MERTK: variants seen among roughly 807,000 people sequenced by gnomAD.
The protein encoded by MERTK is MER proto-oncogene, tyrosine kinase.
MERTK carries 69 observed loss-of-function variants against 99.3 expected under a neutral mutation model. That is an observed-to-expected ratio of 0.70 (90% CI 0.57 to 0.85). MERTK has a LOEUF of 0.85. Among genes scored for constraint, MERTK ranks in the 40% least tolerant of loss-of-function variants. The pLI is 0.00. For synonymous variants in MERTK, 426 were observed against 467.6 expected (o/e 0.91, Z 1.15); for missense variants, 1,125 against 1,249.4 (o/e 0.90, Z 1.50).
At chr2:111,937,478 C>T (rs1268181568) in intron 2 of MERTK, among the ~76,000 whole-genome samples, 5 of 151,974 alleles carry the variant, frequency 3.3e-5, no homozygotes, top group African/African-American at 4.8e-5. Context: ...GGGTAGTTTG[C>T]GTCTCCTGAC....
rs1684624373 is a variant in MERTK at position 111,929,283 on chromosome 2, A to G, written c.225A>G (p.Thr75=). 7 of 1,614,074 alleles carry G rather than the reference A, an allele frequency of 4.3e-6. No individual in the cohort carries two copies. Among genetic ancestry groups the G allele is most frequent in the African/African-American group, 2.7e-5 (2 of 74,934 alleles). The change falls in exon 2 of 19, where the codon ACA becomes ACG. Residue 75 remains threonine, a synonymous_variant. Coordinates refer to ENST00000295408, the MANE Select transcript of MERTK (RefSeq NM_006343.3). ...FSPTQPGRPH[T]GNVAIPQVTS... ...CAACCCAGCCTGGAAGACCACATAC[A>G]GGAAACGTAGCCATTCCCCAGGTGA...
intron 1 of MERTK, among the ~76,000 whole-genome samples, chr2:111,907,675 AC>A (rs1684162149): frequency 2.0e-5 from 3 of 152,192 alleles, no homozygotes; most frequent in African/African-American, 7.2e-5. Flanking sequence ...CTGAGGGGGA[AC>A]AGCAGAATCT....
intron 9 of MERTK, 159 bp from the exon 10 acceptor site, chr2:111,997,164 G>A (rs373367880): frequency 1.5e-5 from 13 of 854,274 alleles, no homozygotes; most frequent in Middle Eastern, 2.9e-4. Context: ...AGATCTCTTC[G>A]CATGGTCTCA....
At chr2:111,991,044 C>G (rs933652521) in intron 8 of MERTK, among the ~76,000 whole-genome samples, 21 of 152,170 alleles carry the variant, frequency 1.4e-4, no homozygotes, top group African/African-American at 4.6e-4. Context: ...GAGGAGCTGT[C>G]TACCGTGAAG....
chr2:111,949,856 T>C (rs1685024777), intron 4 of MERTK, among the ~76,000 whole-genome samples: 1 of 152,246 alleles, frequency 6.6e-6, no homozygotes, highest in Non-Finnish European at 1.5e-5. Context: ...TTTTGTGTCA[T>C]ACATACTTTC....
chr2:111,911,689 CTTTTTT>C (rs34867670), intron 1 of MERTK, among the ~76,000 whole-genome samples: 2 of 57,698 alleles, frequency 3.5e-5, no homozygotes, highest in African/African-American at 1.6e-4. Context: ...AGCGCCCAGC[CTTTTTT>C]TTTTTTTTTT....
At chr2:111,969,362 G>C (rs1401181553) in intron 6 of MERTK, among the ~76,000 whole-genome samples, 5 of 152,120 alleles carry the variant, frequency 3.3e-5, no homozygotes, top group Admixed American at 6.5e-5. Flanking sequence ...TCGCATCTGG[G>C]AGCAGGTTAC....
chr2:112,024,397 A>G (rs940915348), intron 18 of MERTK, among the ~76,000 whole-genome samples: 18 of 152,222 alleles, frequency 1.2e-4, no homozygotes, highest in Non-Finnish European at 1.9e-4. Context: ...TAGGGGACAA[A>G]GCAGCAGAGT....
chr2:111,957,585 G>A (rs937251669), intron 4 of MERTK, among the ~76,000 whole-genome samples: 1 of 152,072 alleles, frequency 6.6e-6, no homozygotes, highest in African/African-American at 2.4e-5. Flanking sequence ...TACTTATCAA[G>A]GTTATTATTT....
In MERTK at chr2:111,957,213, G is replaced by A. The variant is rs980014849; in HGVS notation, c.758-7978G>A. Among the ~76,000 whole-genome samples the A allele has an allele frequency of 2.6e-4, 40 of 151,576 alleles. 1 individual carries two copies. Among genetic ancestry groups the A allele is most frequent in the African/African-American group, 9.2e-4 (38 of 41,222 alleles). On this transcript the variant is annotated intron_variant, in intron 4 of 18. Coordinates refer to ENST00000295408, the MANE Select transcript of MERTK (RefSeq NM_006343.3). ...TGGGATTACAGGTGTGAGCCACTGCGCCCGGCGAGACCTGCCTTCTTAAGG... is the reference window on the plus strand; with the variant it reads ...TGGGATTACAGGTGTGAGCCACTGCACCCGGCGAGACCTGCCTTCTTAAGG...
intron 18 of MERTK, among the ~76,000 whole-genome samples, chr2:112,027,067 C>T (rs1677478055): frequency 6.6e-6 from 1 of 152,000 alleles, no homozygotes; most frequent in African/African-American, 2.4e-5. Flanking sequence ...GGCAGAAGAT[C>T]ACTTGAGCCC....
chr2:111,997,616 C>G (rs566153880), intron 10 of MERTK, 140 bp downstream of exon 10: 3 of 1,019,842 alleles, frequency 2.9e-6, no homozygotes, highest in Non-Finnish European at 4.4e-6. Flanking sequence ...TGGGCTCAGG[C>G]AGCTTCCTGA....
intron 6 of MERTK, among the ~76,000 whole-genome samples, chr2:111,970,796 C>T (rs1573610140): frequency 4.7e-5 from 1 of 21,502 alleles, no homozygotes; most frequent in Non-Finnish European, 1.0e-4. Context: ...CCCTCCTCCT[C>T]CTCCCCCCTC....
intron 15 of MERTK, among the ~76,000 whole-genome samples, chr2:112,011,943 G>T: frequency 6.6e-6 from 1 of 152,136 alleles, no homozygotes; most frequent in East Asian, 1.9e-4. Context: ...TTCACAGTGA[G>T]GGAGCTATGG....
At chr2:111,962,297 C>T (rs1319612492) in intron 4 of MERTK, among the ~76,000 whole-genome samples, 2 of 152,070 alleles carry the variant, frequency 1.3e-5, no homozygotes, top group Non-Finnish European at 2.9e-5. Flanking sequence ...CACCTGAGGT[C>T]GGGAGTTCAG....
rs1473136531 is a variant in MERTK at position 112,028,576 on chromosome 2, C to T, written c.2712C>T (p.Ala904=). The change falls in exon 19 of 19, where the codon GCC becomes GCT. Residue 904 remains alanine (A), a synonymous_variant. Transcript: ENST00000295408. ...ACATCGACCCTGACTCTATAATTGC[C>T]TCCTGCACTCCCCGCGCTGCCATCA... is the stretch of plus-strand genomic sequence containing the variant. ...DLNIDPDSII[A]SCTPRAAISV... 6 of 1,614,058 alleles carry T rather than the reference C, an allele frequency of 3.7e-6. No homozygotes were observed. Among genetic ancestry groups the T allele is most frequent in the Non-Finnish European group, 3.4e-6 (4 of 1,180,054 alleles).
At chr2:111,989,634 C>T (rs1247529467) in intron 8 of MERTK, among the ~76,000 whole-genome samples, 1 of 152,154 alleles carries the variant, frequency 6.6e-6, no homozygotes, top group Non-Finnish European at 1.5e-5. Context: ...GGATTACAGG[C>T]GTAAGCCACC....
At chr2:111,990,434 A>G (rs1197706566) in intron 8 of MERTK, among the ~76,000 whole-genome samples, 1 of 152,192 alleles carries the variant, frequency 6.6e-6, no homozygotes, top group Non-Finnish European at 1.5e-5. Flanking sequence ...TCATATTTTG[A>G]TATTCAGAAT....
chr2:111,941,394 G>A (rs1352640601), intron 2 of MERTK, among the ~76,000 whole-genome samples: 1 of 152,098 alleles, frequency 6.6e-6, no homozygotes, highest in Non-Finnish European at 1.5e-5. Context: ...TTCTCCTACT[G>A]TGCTGCCCAG....
Sources: allele counts gnomAD v4.1 joint callset (sites outside exome capture counted in the v4.1 genomes callset), GRCh38; gene constraint gnomAD v4.1.1; transcripts MANE v1.5; gene names NCBI Gene and HGNC (gene_info 2026-07-23, HGNC 2026-07-21).